Variants in TTLL5 observed in about 807,000 individuals in gnomAD.
The protein encoded by TTLL5 is tubulin polyglutamylase TTLL5.
TTLL5 carries 132 observed loss-of-function variants against 168.4 expected under a neutral mutation model. That is an observed-to-expected ratio of 0.78 (90% CI 0.68 to 0.91). The LOEUF (loss-of-function observed/expected upper bound fraction) is 0.91. Ranked by LOEUF, TTLL5 falls within the 40% of genes least tolerant of loss-of-function variation. The probability of loss-of-function intolerance (pLI) is 0.00; values close to 1 mark genes in which losing one functional copy is unlikely to be tolerated. For synonymous variants in TTLL5, 546 were observed against 558.6 expected (o/e 0.98, Z 0.32); for missense variants, 1,545 against 1,581.5 (o/e 0.98, Z 0.39).
intron 5 of TTLL5, chr14:75,683,865 C>T: frequency 2.5e-6 from 1 of 405,006 alleles, no homozygotes; most frequent in East Asian, 5.5e-5. Context: ...CCTCTGCCTC[C>T]TGAGTTCAAG....
chr14:75,923,671 A>T (rs1400299406), intron 31 of TTLL5, among the ~76,000 whole-genome samples: 1 of 152,234 alleles, frequency 6.6e-6, no homozygotes, highest in Non-Finnish European at 1.5e-5. Context: ...TGGTGCTAAG[A>T]AGAATGTATA....
At chr14:75,838,733 G>A (rs1896032392) in intron 28 of TTLL5, 1 of 152,850 alleles carries the variant, frequency 6.5e-6, no homozygotes, top group Admixed American at 6.5e-5. Context: ...TGGGGGCGAG[G>A]GTGAGGCACA....
intron 15 of TTLL5, among the ~76,000 whole-genome samples, chr14:75,740,117 G>T (rs1350100999): frequency 6.6e-6 from 1 of 152,020 alleles, no homozygotes; most frequent in Admixed American, 6.5e-5. Context: ...CCCCTAACTG[G>T]AAATATAATT....
At chr14:75,743,721 A>G (rs7154924) in intron 15 of TTLL5, among the ~76,000 whole-genome samples, 2,342 of 151,482 alleles carry the variant, frequency 0.015, 81 homozygotes, top group African/African-American at 0.053. Context: ...AGCTGGGACT[A>G]CAGGTGCCCG....
intron 29 of TTLL5, among the ~76,000 whole-genome samples, chr14:75,869,008 G>A (rs1156855851): frequency 1.4e-5 from 2 of 147,764 alleles, no homozygotes; most frequent in Non-Finnish European, 1.5e-5. Context: ...ACATGAGAGG[G>A]GAGGAGTGTG....
intron 17 of TTLL5, among the ~76,000 whole-genome samples, chr14:75,748,538 A>G (rs1889749645): frequency 6.6e-6 from 1 of 152,166 alleles, no homozygotes; most frequent in African/African-American, 2.4e-5. Flanking sequence ...CTAGGAGTGG[A>G]ATTACTGGGC....
rs760061387 is a variant in TTLL5 at position 75,793,014 on chromosome 14, G to T, written c.3085G>T (p.Val1029Phe). The change falls in exon 27 of 32, where the codon GTT (valine) becomes TTT (phenylalanine). Residue 1029 changes from valine to phenylalanine, a missense_variant. Val to Phe is a conservative substitution (Grantham distance 50). Transcript: ENST00000298832. ...LYSKRYNQSM[V>F]TAELQRLAEK... The stretch of plus-strand genomic sequence containing the variant: ...TAGCAAACGGTACAACCAAAGTATG[G>T]TTACAGCTGAACTTCAGCGGCTAGC... 1 of 1,613,780 alleles carries T rather than the reference G, an allele frequency of 6.2e-7. No individual in the cohort carries two copies. Among genetic ancestry groups the T allele is most frequent in the South Asian group, 1.1e-5 (1 of 91,008 alleles).
chr14:75,665,052 C>T (rs1883158316), intron 2 of TTLL5, among the ~76,000 whole-genome samples: 1 of 152,172 alleles, frequency 6.6e-6, no homozygotes, highest in Non-Finnish European at 1.5e-5. Context: ...AGGCTTTATA[C>T]TTTACATTAC....
chr14:75,843,696 A>G (rs1317303526), intron 28 of TTLL5, among the ~76,000 whole-genome samples: 1 of 152,168 alleles, frequency 6.6e-6, no homozygotes, highest in Non-Finnish European at 1.5e-5. Context: ...AGTGAGATAA[A>G]GCACAGAAAC....
At chr14:75,826,678 T>C (rs761414103) in intron 28 of TTLL5, among the ~76,000 whole-genome samples, 58 of 152,326 alleles carry the variant, frequency 3.8e-4, no homozygotes, top group Middle Eastern at 6.8e-3. Flanking sequence ...TAGGAAATTA[T>C]AGGAGTTGTT....
chr14:75,889,256 T>C (rs1459312153), intron 30 of TTLL5, among the ~76,000 whole-genome samples: 2 of 152,000 alleles, frequency 1.3e-5, no homozygotes, highest in Non-Finnish European at 2.9e-5. Flanking sequence ...GGAGGAAGTA[T>C]ACAAAGATAA....
At chr14:75,785,296 C>T (rs1473179778) in intron 26 of TTLL5, among the ~76,000 whole-genome samples, 1 of 151,370 alleles carries the variant, frequency 6.6e-6, no homozygotes, top group African/African-American at 2.4e-5. Context: ...TCTCTTGCCT[C>T]AGCCTCCCGA....
chr14:75,896,862 C>T (rs2032686950), intron 30 of TTLL5, among the ~76,000 whole-genome samples: 1 of 152,140 alleles, frequency 6.6e-6, no homozygotes, highest in Non-Finnish European at 1.5e-5. Context: ...TTATAACCCT[C>T]CTGGACTGGG....
chr14:75,875,339 C>T (rs1438576923), intron 29 of TTLL5, among the ~76,000 whole-genome samples: 1 of 149,316 alleles, frequency 6.7e-6, no homozygotes, highest in East Asian at 2.0e-4. Context: ...GTCAGGAGTT[C>T]GACACCATCC....
In TTLL5 at chr14:75,690,264, G is replaced by T. The variant is rs769796709; in HGVS notation, c.444G>T (p.Lys148Asn). The change falls in exon 6 of 32, where the codon AAG (lysine) becomes AAT (asparagine). Residue 148 changes from lysine (K) to asparagine (N), a missense_variant. Transcript: ENST00000298832. ...GAATGCAGCATACACATGGATTCAAGGCTTTTCACATCCTCCCCCAGACCT... is the reference window on the plus strand; with the variant it reads ...GAATGCAGCATACACATGGATTCAATGCTTTTCACATCCTCCCCCAGACCT... The part of the protein sequence containing the change: ...IIRMQHTHGF[K>N]AFHILPQTFL... 1 of 1,612,196 alleles carries T rather than the reference G, an allele frequency of 6.2e-7. No homozygotes were observed.
chr14:75,908,177 G>A (rs759396552), intron 31 of TTLL5, among the ~76,000 whole-genome samples: 1 of 152,196 alleles, frequency 6.6e-6, no homozygotes, highest in African/African-American at 2.4e-5. Context: ...TAGCTGAGGC[G>A]ATGAGACAGC....
At chr14:75,866,350 A>G (rs2030518631) in intron 29 of TTLL5, among the ~76,000 whole-genome samples, 1 of 152,172 alleles carries the variant, frequency 6.6e-6, no homozygotes, top group East Asian at 1.9e-4. Flanking sequence ...TTTTCCAATG[A>G]ACTCCTTGCA....
At chr14:75,812,398 T>A (rs1288027886) in intron 27 of TTLL5, among the ~76,000 whole-genome samples, 3 of 152,198 alleles carry the variant, frequency 2.0e-5, no homozygotes, top group African/African-American at 7.2e-5. Context: ...ACAAGTTGAC[T>A]GTTTTTAGGC....
chr14:75,907,890 A>G (rs2140103560), intron 31 of TTLL5, among the ~76,000 whole-genome samples: 1 of 152,354 alleles, frequency 6.6e-6, no homozygotes, highest in Admixed American at 6.5e-5. Flanking sequence ...CCAAGCTCCA[A>G]ACTAAACTGA....
Sources: gnomAD v4.1 joint callset for allele counts (sites outside exome capture counted in the v4.1 genomes callset) on GRCh38, gnomAD v4.1.1 for gene constraint, MANE v1.5 for transcripts, NCBI Gene and HGNC (gene_info 2026-07-23, HGNC 2026-07-21) for gene names.